Variants in CCDC7 observed in about 807,000 individuals in gnomAD.
CCDC7 encodes the protein coiled-coil domain-containing protein 7.
A neutral mutation model predicts 196.9 loss-of-function variants in CCDC7; 183 were observed. The ratio of observed to expected loss-of-function variants is 0.93; its 90% CI spans 0.82 to 1.05. The LOEUF (loss-of-function observed/expected upper bound fraction) is 1.05. Among genes scored for constraint, CCDC7 ranks in the 50% least tolerant of loss-of-function variants. The pLI is 0.00. For missense variants in CCDC7, 1,540 were observed against 1,482.2 expected, an observed-to-expected ratio of 1.04 and a Z score of -0.64; for synonymous variants, 525 against 484.6, an observed-to-expected ratio of 1.08 and a Z score of -1.10.
intron 28 of CCDC7, among the ~76,000 whole-genome samples, chr10:32,758,695 G>T (rs1023285439): frequency 2.0e-5 from 3 of 152,144 alleles, no homozygotes; most frequent in African/African-American, 4.8e-5. Context: ...ACAAGACAGG[G>T]ATGCCCTCTT....
chr10:32,704,123 G>T (rs150042377), intron 24 of CCDC7, among the ~76,000 whole-genome samples: 2 of 152,174 alleles, frequency 1.3e-5, no homozygotes, highest in East Asian at 1.9e-4. Flanking sequence ...TTTCTGCTTT[G>T]TTTTTTCCCC....
At chr10:32,678,159 G>T (rs1039505011) in intron 21 of CCDC7, among the ~76,000 whole-genome samples, 4 of 151,846 alleles carry the variant, frequency 2.6e-5, no homozygotes, top group African/African-American at 9.7e-5. Flanking sequence ...TTCTATTTTA[G>T]TTCACTGAGC....
At chr10:32,825,815 A>G (rs1054939851) in intron 32 of CCDC7, among the ~76,000 whole-genome samples, 1 of 152,216 alleles carries the variant, frequency 6.6e-6, no homozygotes, top group Non-Finnish European at 1.5e-5. Context: ...TGAAAGGTGC[A>G]TGCACAGCCT....
chr10:32,668,569 T>G, intron 21 of CCDC7, among the ~76,000 whole-genome samples: 1 of 152,220 alleles, frequency 6.6e-6, no homozygotes, highest in African/African-American at 2.4e-5. Flanking sequence ...ATTGAGAATT[T>G]TTTAGCATGA....
chr10:32,546,998 T>TTCTTCCTCTTCCTCCTCCTCC, intron 13 of CCDC7, among the ~76,000 whole-genome samples: 1 of 151,970 alleles, frequency 6.6e-6, no homozygotes, highest in African/African-American at 2.4e-5. Flanking sequence ...CCTCCTCCTC[T>TTCTTCCTCTTCCTCCTCCTCC]TCTTCCTCTT....
chr10:32,493,840 G>A (rs1391918253), intron 9 of CCDC7, among the ~76,000 whole-genome samples: 1 of 151,968 alleles, frequency 6.6e-6, no homozygotes, highest in Non-Finnish European at 1.5e-5. Context: ...CCATTCACAT[G>A]TCTTTTTTTG....
chr10:32,716,565 A>G (rs2081611830), intron 25 of CCDC7, among the ~76,000 whole-genome samples: 1 of 152,232 alleles, frequency 6.6e-6, no homozygotes, highest in South Asian at 2.1e-4. Context: ...CCTTAAATGT[A>G]AATGAGAAAA....
chr10:32,676,424 G>T, intron 21 of CCDC7, among the ~76,000 whole-genome samples: 1 of 151,198 alleles, frequency 6.6e-6, no homozygotes, highest in Non-Finnish European at 1.5e-5. Flanking sequence ...CCATCAGAGT[G>T]AACAGGCAAC....
At chr10:32,776,364 T>G (rs1446005235) in intron 28 of CCDC7, among the ~76,000 whole-genome samples, 1 of 148,230 alleles carries the variant, frequency 6.7e-6, no homozygotes, top group Non-Finnish European at 1.5e-5. Context: ...GTGGTAAGAA[T>G]AATGGTTTTT....
rs145876071 is a variant in CCDC7 at position 32,683,692 on chromosome 10, C to A, written c.2123-2278C>A. ...AATTCTCACTGTAGAGATCTTTCAC[C>A]CTGCTGGTGAGTACTGCTGCAGCAG... is the stretch of plus-strand genomic sequence containing the variant. On this transcript the variant is annotated intron_variant, in intron 21 of 41. Coordinates refer to ENST00000639629, the Ensembl canonical transcript of CCDC7. Among the ~76,000 whole-genome samples, 360 of 152,176 alleles carry A rather than the reference C, an allele frequency of 2.4e-3. 2 individuals are homozygous for A. The highest frequency in any genetic ancestry group is 8.2e-3 in the African/African-American group (342 of 41,490).
At chr10:32,669,913 TCTC>T (rs2140682503) in intron 21 of CCDC7, among the ~76,000 whole-genome samples, 1 of 152,296 alleles carries the variant, frequency 6.6e-6, no homozygotes, top group East Asian at 1.9e-4. Context: ...TTCTCTTTCT[TCTC>T]AGTAAAATTA....
chr10:32,600,057 C>T (rs144211451), intron 18 of CCDC7, among the ~76,000 whole-genome samples: 1,696 of 151,922 alleles, frequency 0.011, 22 homozygotes, highest in Non-Finnish European at 0.015. Context: ...ACTTTGTATA[C>T]TCTTTTTTGG....
chr10:32,660,911 A>G (rs1302391850), intron 20 of CCDC7, among the ~76,000 whole-genome samples: 10 of 139,080 alleles, frequency 7.2e-5, no homozygotes, highest in African/African-American at 1.3e-4. Context: ...GGACATAGGC[A>G]TGGGCAAGGA....
In CCDC7 at chr10:32,554,993, G is replaced by A. The variant is rs139301193; in HGVS notation, c.1135-10565G>A. Among the ~76,000 whole-genome samples the A allele has an allele frequency of 2.8e-3, 431 of 152,276 alleles. 1 individual carries two copies. Among genetic ancestry groups the A allele is most frequent in the African/African-American group, 0.01 (417 of 41,564 alleles). ...CTGTGCCTGGCTTATTTCACTTAAT[G>A]TAGTGACCTCCAGTTGCAAATGACA... On this transcript the variant is annotated intron_variant, in intron 13 of 41. Transcript: ENST00000639629.
intron 29 of CCDC7, among the ~76,000 whole-genome samples, chr10:32,786,891 TAAAC>T (rs997219178): frequency 6.6e-6 from 1 of 152,060 alleles, no homozygotes; most frequent in African/African-American, 2.4e-5. Flanking sequence ...TGATAAAAAA[TAAAC>T]AATATCCTTA....
At chr10:32,834,860 T>C (rs1457394567) in exon 33 of CCDC7, 3 of 1,465,248 alleles carry the variant, frequency 2.0e-6, no homozygotes, top group Non-Finnish European at 2.9e-6. Context: ...AAAGATATAA[T>C]AAAGCATCTA....
rs1307524047 is a variant in CCDC7, at chr10:32,599,960, GA to G, written c.1801+15657del. ...GTTTGTTGAAGATTAGTTTGTTTTA[GA>G]TATTTAGCTTTATTACTGAGCTCTC... On this transcript the variant is annotated intron_variant, in intron 18 of 41. Transcript: ENST00000639629. 2.0e-5 allele frequency among the ~76,000 whole-genome samples: 3 copies of G among 152,086 alleles called. No individual in the cohort carries two copies. In the East Asian group the frequency reaches 5.8e-4, roughly 29 times the overall value.
intron 11 of CCDC7, among the ~76,000 whole-genome samples, chr10:32,522,697 C>A (rs1340479840): frequency 6.6e-6 from 1 of 151,956 alleles, no homozygotes; most frequent in Non-Finnish European, 1.5e-5. Context: ...ATTTCTTCTA[C>A]TAATTTTGGG....
intron 28 of CCDC7, among the ~76,000 whole-genome samples, chr10:32,748,291 G>T (rs2075128651): frequency 6.6e-6 from 1 of 151,944 alleles, no homozygotes; most frequent in African/African-American, 2.4e-5. Flanking sequence ...AAAATAATTT[G>T]TACACCTAAC....
Sources: allele counts gnomAD v4.1 joint callset (sites outside exome capture counted in the v4.1 genomes callset), GRCh38; gene constraint gnomAD v4.1.1; transcripts MANE v1.5; gene names NCBI Gene and HGNC (gene_info 2026-07-23, HGNC 2026-07-21).